ROBO2: variants seen among roughly 807,000 people sequenced by gnomAD.
ROBO2 encodes the protein roundabout homolog 2.
ROBO2 carries 53 observed loss-of-function variants against 160.8 expected under a neutral mutation model. The ratio of observed to expected loss-of-function variants is 0.33; its 90% CI spans 0.26 to 0.41. ROBO2 has a LOEUF of 0.41. Ranked by LOEUF, ROBO2 falls within the 10% of genes least tolerant of loss-of-function variation. The pLI is 1.00. For missense variants in ROBO2, 1,577 were observed against 1,722.4 expected, an observed-to-expected ratio of 0.92 and a Z score of 1.49; for synonymous variants, 664 against 611.7, an observed-to-expected ratio of 1.09 and a Z score of -1.26.
At chr3:75,974,305 T>G (rs573583168) in intron 2 of ROBO2, among the ~76,000 whole-genome samples, 6 of 151,658 alleles carry the variant, frequency 4.0e-5, no homozygotes, top group Non-Finnish European at 8.9e-5. Flanking sequence ...GAAGCAGAGA[T>G]AAATTCAGAT....
chr3:76,988,531 T>C (rs934527507), intron 2 of ROBO2, among the ~76,000 whole-genome samples: 1 of 152,172 alleles, frequency 6.6e-6, no homozygotes. Context: ...AGTACTCTTA[T>C]TTTCTCCATC....
chr3:76,652,688 A>G (rs2091308990), intron 2 of ROBO2, among the ~76,000 whole-genome samples: 1 of 152,164 alleles, frequency 6.6e-6, no homozygotes, highest in African/African-American at 2.4e-5. Context: ...ATTGAAACAG[A>G]GTAATGAAAT....
chr3:76,643,200 A>T (rs1431682302), intron 2 of ROBO2, among the ~76,000 whole-genome samples: 4 of 152,192 alleles, frequency 2.6e-5, no homozygotes, highest in Non-Finnish European at 4.4e-5. Context: ...TTAGTAAAAA[A>T]ATGTAATTGT....
Position 77,501,311 on chromosome 3 carries a change from A to G in ROBO2, c.806+7929A>G, listed in dbSNP as rs533946063. 1.4e-3 allele frequency among the ~76,000 whole-genome samples: 211 copies of G among 152,330 alleles called. 1 individual carries two copies. Among genetic ancestry groups the G allele is most frequent in the African/African-American group, 4.9e-3 (203 of 41,582 alleles). ...ACATTAACTCTAAGCAAAAGGTAAA[A>G]AAAAAAAGTTGTTTAATTAATTATA... On this transcript the variant is annotated intron_variant, in intron 5 of 25. Coordinates refer to ENST00000461745, the Ensembl canonical transcript of ROBO2.
chr3:77,013,508 CA>C (rs1279771792), intron 2 of ROBO2, among the ~76,000 whole-genome samples: 1 of 152,014 alleles, frequency 6.6e-6, no homozygotes, highest in Non-Finnish European at 1.5e-5. Context: ...ACATCAAAAA[CA>C]GTGCAACCCA....
chr3:77,213,147 A>G (rs1357862907), intron 2 of ROBO2, among the ~76,000 whole-genome samples: 1 of 152,164 alleles, frequency 6.6e-6, no homozygotes, highest in Non-Finnish European at 1.5e-5. Flanking sequence ...TTTCAGAAGG[A>G]ATGGTACCAG....
At chr3:76,863,725 A>G (rs187343165) in intron 2 of ROBO2, among the ~76,000 whole-genome samples, 2 of 152,172 alleles carry the variant, frequency 1.3e-5, no homozygotes, top group East Asian at 1.9e-4. Flanking sequence ...TGCTAGCCAT[A>G]TGAAATTAAA....
chr3:77,229,431 T>A (rs970657911), intron 2 of ROBO2, among the ~76,000 whole-genome samples: 2 of 151,852 alleles, frequency 1.3e-5, no homozygotes, highest in Non-Finnish European at 2.9e-5. Context: ...GCCTGTAATC[T>A]TAGCACTTTG....
At chr3:77,364,040 A>G (rs1053007294) in intron 2 of ROBO2, among the ~76,000 whole-genome samples, 13 of 152,128 alleles carry the variant, frequency 8.5e-5, no homozygotes, top group African/African-American at 3.1e-4. Context: ...AATGAAAATC[A>G]TTTTATCTTA....
At chr3:76,539,506 T>A (rs936849199) in intron 2 of ROBO2, among the ~76,000 whole-genome samples, 8 of 152,106 alleles carry the variant, frequency 5.3e-5, no homozygotes, top group African/African-American at 1.7e-4. Context: ...AATGTTCGAG[T>A]TGTATTATCC....
chr3:76,707,261 G>A (rs925366391), intron 2 of ROBO2, among the ~76,000 whole-genome samples: 10 of 151,990 alleles, frequency 6.6e-5, no homozygotes, highest in Non-Finnish European at 1.5e-5. Flanking sequence ...CAAAAATAAT[G>A]TGCACTGTTT....
chr3:77,431,301 G>C (rs1360918160), intron 2 of ROBO2, among the ~76,000 whole-genome samples: 1 of 152,126 alleles, frequency 6.6e-6, no homozygotes, highest in African/African-American at 2.4e-5. Context: ...TTTCAGGAAT[G>C]TGTCCTTTGA....
chr3:77,314,514 C>T (rs1230669118), intron 2 of ROBO2, among the ~76,000 whole-genome samples: 1 of 152,100 alleles, frequency 6.6e-6, no homozygotes, highest in Non-Finnish European at 1.5e-5. Flanking sequence ...AACATTGATT[C>T]AACAGGATTA....
chr3:77,130,956 A>C (rs1229036907), intron 2 of ROBO2, among the ~76,000 whole-genome samples: 2 of 151,856 alleles, frequency 1.3e-5, no homozygotes, highest in African/African-American at 4.9e-5. Context: ...TATGGAAGTG[A>C]AATTTTTTTA....
At position 77,316,721 on chromosome 3, in the gene ROBO2, A is replaced by G. The variant is rs2064031678; in HGVS notation, c.389-160693A>G. On this transcript the variant is annotated intron_variant, in intron 2 of 25. Transcript: ENST00000461745. ...TCTGAAGGTAGCTATGCTGCAAAAT[A>G]GTTTAAATTAAACAATTGTATGGTA... 8 of 871,664 alleles carry G rather than the reference A, an allele frequency of 9.2e-6. No individual in the cohort carries two copies. The South Asian group carries it at 1.1e-4, about 11-fold the overall frequency. 54.0% of individuals were successfully genotyped at this position (871,664 alleles called of 1,614,324 possible). A position where few individuals can be genotyped will look rare whatever the true frequency, so the allele number is the denominator to read the frequency against.
intron 2 of ROBO2, among the ~76,000 whole-genome samples, chr3:77,182,778 T>C (rs1347724322): frequency 6.6e-6 from 1 of 152,090 alleles, no homozygotes; most frequent in Non-Finnish European, 1.5e-5. Flanking sequence ...AGAAACTTTA[T>C]ACAAAGGTGT....
intron 2 of ROBO2, among the ~76,000 whole-genome samples, chr3:77,409,008 A>C (rs891904544): frequency 1.3e-5 from 2 of 151,758 alleles, no homozygotes; most frequent in African/African-American, 4.8e-5. Flanking sequence ...TGCTGAAATT[A>C]CAGGTGTGAG....
intron 1 of ROBO2, among the ~76,000 whole-genome samples, chr3:75,920,200 C>T (rs1036168180): frequency 2.0e-5 from 3 of 152,094 alleles, no homozygotes; most frequent in Non-Finnish European, 4.4e-5. Flanking sequence ...ACTGTTTTAC[C>T]TGTGTCCCAG....
intron 6 of ROBO2, among the ~76,000 whole-genome samples, chr3:77,532,768 C>T (rs930893886): frequency 2.0e-5 from 3 of 151,238 alleles, no homozygotes; most frequent in African/African-American, 7.3e-5. Flanking sequence ...ATATAAAATT[C>T]TTTATCTTTA....
Sources: gnomAD v4.1 joint callset for allele counts (sites outside exome capture counted in the v4.1 genomes callset) on GRCh38, gnomAD v4.1.1 for gene constraint, MANE v1.5 for transcripts, NCBI Gene and HGNC (gene_info 2026-07-23, HGNC 2026-07-21) for gene names.